The following SYT9 variants were observed in gnomAD, a reference collection of about 807,000 sequenced individuals.
SYT9 encodes the protein synaptotagmin-9.
SYT9 carries 22 observed loss-of-function variants against 48.4 expected under a neutral mutation model. The ratio of observed to expected loss-of-function variants is 0.45; its 90% confidence interval spans 0.32 to 0.65. The LOEUF is 0.65. Among genes scored for constraint, SYT9 ranks in the 30% least tolerant of loss-of-function variants. The pLI, the probability that SYT9 is intolerant of heterozygous loss-of-function variation, is 0.03. For synonymous variants in SYT9, 265 were observed against 245.0 expected, an observed-to-expected ratio of 1.08 and a Z score of -0.76; for missense variants, 577 against 622.0, an observed-to-expected ratio of 0.93 and a Z score of 0.77.
intron 3 of SYT9, among the ~76,000 whole-genome samples, chr11:7,373,262 C>T (rs1850395036): frequency 6.6e-6 from 1 of 152,056 alleles, no homozygotes; most frequent in Non-Finnish European, 1.5e-5. Flanking sequence ...ATACTGGTTT[C>T]AGGGTTATAC....
At chr11:7,320,581 C>T (rs1010657265) in intron 3 of SYT9, among the ~76,000 whole-genome samples, 2 of 152,206 alleles carry the variant, frequency 1.3e-5, no homozygotes, top group Non-Finnish European at 2.9e-5. Context: ...AGTGAAACTC[C>T]TTATGAGGGA....
At chr11:7,277,857 A>G (rs1848426635) in intron 1 of SYT9, among the ~76,000 whole-genome samples, 1 of 152,256 alleles carries the variant, frequency 6.6e-6, no homozygotes, top group Non-Finnish European at 1.5e-5. Context: ...CACAGTGCTA[A>G]TGATGCTGTA....
At chr11:7,277,095 G>A (rs1358931183) in intron 1 of SYT9, among the ~76,000 whole-genome samples, 1 of 151,894 alleles carries the variant, frequency 6.6e-6, no homozygotes, top group Non-Finnish European at 1.5e-5. Flanking sequence ...AACATTATCT[G>A]CCATGTGTCT....
At chr11:7,434,497 C>T (rs1047685527) in intron 6 of SYT9, among the ~76,000 whole-genome samples, 6 of 152,112 alleles carry the variant, frequency 3.9e-5, no homozygotes, top group Non-Finnish European at 8.8e-5. Flanking sequence ...GGATCGTAGC[C>T]TGGCAGTCTG....
At chr11:7,347,651 G>A (rs1849828409) in intron 3 of SYT9, among the ~76,000 whole-genome samples, 2 of 152,200 alleles carry the variant, frequency 1.3e-5, no homozygotes, top group African/African-American at 4.8e-5. Context: ...TTGTGGATAT[G>A]TGCTTCTACT....
At chr11:7,293,109 A>G (rs1487986273) in intron 1 of SYT9, among the ~76,000 whole-genome samples, 1 of 152,204 alleles carries the variant, frequency 6.6e-6, no homozygotes, top group Non-Finnish European at 1.5e-5. Flanking sequence ...CTGATGAGAC[A>G]GCACTTTGCA....
chr11:7,384,526 T>C (rs978861268), intron 3 of SYT9, among the ~76,000 whole-genome samples: 1 of 151,732 alleles, frequency 6.6e-6, no homozygotes, highest in African/African-American at 2.4e-5. Context: ...TATTGCTTTA[T>C]CTTCAAAATG....
intron 1 of SYT9, among the ~76,000 whole-genome samples, chr11:7,297,557 C>T (rs1198947457): frequency 1.3e-5 from 2 of 152,190 alleles, no homozygotes; most frequent in East Asian, 1.9e-4. Flanking sequence ...AACCCAATCA[C>T]GTAGCTGGTC....
chr11:7,251,867 C>G (rs563944786), upstream of SYT9: 3 of 247,136 alleles, frequency 1.2e-5, no homozygotes, highest in Non-Finnish European at 2.3e-5. Context: ...CGCCCCCCGG[C>G]GGCCGCGAGT....
At chr11:7,402,600 A>C (rs561313932) in intron 3 of SYT9, among the ~76,000 whole-genome samples, 9 of 152,232 alleles carry the variant, frequency 5.9e-5, no homozygotes, top group African/African-American at 2.2e-4. Context: ...TCCTCCATGG[A>C]AATGTTCCTT....
At chr11:7,395,999 T>C in intron 3 of SYT9, among the ~76,000 whole-genome samples, 1 of 152,150 alleles carries the variant, frequency 6.6e-6, no homozygotes, top group East Asian at 1.9e-4. Context: ...TTTGGAACTT[T>C]CTTAAGCATC....
At chr11:7,357,148 G>GA (rs1850036279) in intron 3 of SYT9, among the ~76,000 whole-genome samples, 1 of 152,116 alleles carries the variant, frequency 6.6e-6, no homozygotes, top group Non-Finnish European at 1.5e-5. Flanking sequence ...ATTTCGTGAT[G>GA]AAAAATCAAG....
At position 7,466,822 on chromosome 11, in the gene SYT9, G is replaced by A; in HGVS notation, c.*22G>A. On this transcript the variant is annotated 3_prime_UTR_variant, in exon 7 of 7. Transcript: ENST00000318881. ...ATGACCATGGGTAAGAGGACTGCTT[G>A]TGCCAAGGACAAAATAGGACAACCA... The A allele has an allele frequency of 6.2e-7, 1 of 1,611,574 alleles. No homozygotes were observed.
At chr11:7,319,124 A>T (rs1849291516) in intron 3 of SYT9, among the ~76,000 whole-genome samples, 1 of 149,216 alleles carries the variant, frequency 6.7e-6, no homozygotes, top group South Asian at 2.1e-4. Flanking sequence ...ACAATGAGAA[A>T]GGGAGGAGAG....
chr11:7,420,682 T>A (rs1847337278), intron 6 of SYT9, 47 bp downstream of exon 6: 3 of 1,607,810 alleles, frequency 1.9e-6, no homozygotes, highest in African/African-American at 1.3e-5. Flanking sequence ...AGTAAATGCT[T>A]TACTGTTGAA....
At chr11:7,350,678 CT>C (rs1346351557) in intron 3 of SYT9, among the ~76,000 whole-genome samples, 5 of 152,152 alleles carry the variant, frequency 3.3e-5, no homozygotes, top group African/African-American at 9.7e-5. Flanking sequence ...ATCTCTTCTC[CT>C]CTCAATGCCC....
At chr11:7,415,907 C>T (rs988374261) in intron 3 of SYT9, 135 bp from the exon 4 acceptor site, 24 of 1,090,578 alleles carry the variant, frequency 2.2e-5, no homozygotes, top group Middle Eastern at 2.8e-4. Flanking sequence ...CTGACATGAA[C>T]GGAAGAGATA....
chr11:7,377,319 G>T (rs1850472981), intron 3 of SYT9, among the ~76,000 whole-genome samples: 1 of 151,932 alleles, frequency 6.6e-6, no homozygotes, highest in Admixed American at 6.6e-5. Context: ...GAGTGAGAGA[G>T]AATTATTATT....
chr11:7,246,072 C>A (rs1179593360), intron 1 of SYT9, among the ~76,000 whole-genome samples: 2 of 152,040 alleles, frequency 1.3e-5, no homozygotes, highest in Non-Finnish European at 2.9e-5. Context: ...CAGTTACCAT[C>A]TTCTCTTTGT....
Sources: allele counts gnomAD v4.1 joint callset (sites outside exome capture counted in the v4.1 genomes callset), GRCh38; gene constraint gnomAD v4.1.1; transcripts MANE v1.5; gene names NCBI Gene and HGNC (gene_info 2026-07-23, HGNC 2026-07-21).